Variants in SLC35F2 observed in about 807,000 individuals in gnomAD.
SLC35F2 encodes solute carrier family 35 member F2.
SLC35F2 carries 25 observed loss-of-function variants against 38.1 expected under a neutral mutation model. That is an observed-to-expected ratio of 0.66 (90% confidence interval 0.48 to 0.92). SLC35F2 has a LOEUF of 0.92. Among genes scored for constraint, SLC35F2 ranks in the 40% least tolerant of loss-of-function variants. SLC35F2 has a pLI of 0.00. For synonymous variants in SLC35F2, 173 were observed against 181.7 expected, an observed-to-expected ratio of 0.95 and a Z score of 0.38; for missense variants, 409 against 452.9, an observed-to-expected ratio of 0.90 and a Z score of 0.88.
chr11:107,836,438 T>A (rs757350178), intron 1 of SLC35F2, among the ~76,000 whole-genome samples: 2 of 152,212 alleles, frequency 1.3e-5, no homozygotes, highest in Non-Finnish European at 2.9e-5. Context: ...CCCTCACCCC[T>A]GAACCTGTGA....
chr11:107,797,480 G>T (rs1276384576), intron 7 of SLC35F2, among the ~76,000 whole-genome samples: 1 of 151,960 alleles, frequency 6.6e-6, no homozygotes, highest in Non-Finnish European at 1.5e-5. Context: ...TTGAGCCCAG[G>T]AGTTTGAGGC....
rs576168158 is a variant in SLC35F2, at chr11:107,839,817, C to G, written c.110+18841G>C. ...TACAGGCATGCGCCACCACGCCTGG[C>G]TAATTTTGTATTTTTAGTAGATATG... is the stretch of plus-strand genomic sequence containing the variant. On this transcript the variant is annotated intron_variant, in intron 1 of 7. Transcript: ENST00000525815. 3.9e-5 allele frequency among the ~76,000 whole-genome samples: 6 copies of G among 152,186 alleles called. No individual in the cohort carries two copies. In the East Asian group the frequency reaches 1.2e-3, roughly 29 times the overall value.
chr11:107,810,213 G>A, intron 3 of SLC35F2: 2 of 985,320 alleles, frequency 2.0e-6, no homozygotes, highest in Non-Finnish European at 2.4e-6. Flanking sequence ...TCTTTGCTAG[G>A]ACCGTAAGTG....
intron 6 of SLC35F2, among the ~76,000 whole-genome samples, chr11:107,803,692 T>A (rs1165173285): frequency 6.6e-6 from 1 of 152,110 alleles, no homozygotes; most frequent in Non-Finnish European, 1.5e-5. Context: ...TTATCCTTTT[T>A]AGGACAGTGC....
chr11:107,808,555 C>T (rs1008097113), intron 3 of SLC35F2, among the ~76,000 whole-genome samples: 20 of 152,156 alleles, frequency 1.3e-4, no homozygotes, highest in Non-Finnish European at 7.3e-5. Context: ...CCCTGATTCT[C>T]TCTGTATCTG....
intron 3 of SLC35F2, chr11:107,809,949 A>G (rs1276211056): frequency 2.0e-6 from 2 of 985,272 alleles, no homozygotes; most frequent in African/African-American, 3.5e-5. Context: ...TAAAGTGGGA[A>G]GGGACATGAG....
chr11:107,811,796 T>G lies in SLC35F2; in HGVS notation c.287-2A>C. On this transcript the variant is annotated splice_acceptor_variant, in intron 2 of 7. Transcript: ENST00000525815. LOFTEE classifies it high-confidence loss of function. ...AGATTACTAAAAGGTTATCACTGCC[T>G]GGTTGAAAGAAATATGGGTTAGTAC... 2 of 1,613,438 alleles carry G rather than the reference T, an allele frequency of 1.2e-6. No homozygotes were observed. Among genetic ancestry groups the G allele is most frequent in the Non-Finnish European group, 1.7e-6 (2 of 1,179,584 alleles).
At chr11:107,845,907 C>T (rs151249360) in intron 1 of SLC35F2, among the ~76,000 whole-genome samples, 3,109 of 150,100 alleles carry the variant, frequency 0.021, 90 homozygotes, top group African/African-American at 0.071. Context: ...GTGCCAAGAT[C>T]GCGCCGTTGC....
intron 1 of SLC35F2, chr11:107,816,262 G>A (rs969648792): frequency 5.1e-5 from 48 of 949,980 alleles, no homozygotes; most frequent in Non-Finnish European, 5.4e-5. Flanking sequence ...TTTGTAAAGT[G>A]CGCACGTGTG....
chr11:107,832,887 C>T (rs1219050040), intron 1 of SLC35F2, among the ~76,000 whole-genome samples: 3 of 152,160 alleles, frequency 2.0e-5, no homozygotes, highest in Admixed American at 1.3e-4. Context: ...GGCTTCCCCT[C>T]AACTCCTCAT....
intron 1 of SLC35F2, among the ~76,000 whole-genome samples, chr11:107,854,693 G>A (rs1195180353): frequency 6.6e-6 from 1 of 152,112 alleles, no homozygotes; most frequent in Admixed American, 6.5e-5. Flanking sequence ...TGTACCCTAT[G>A]GGGGCAGGTA....
chr11:107,813,088 A>C (rs1202694023), intron 2 of SLC35F2, among the ~76,000 whole-genome samples: 7 of 152,238 alleles, frequency 4.6e-5, no homozygotes. Flanking sequence ...CAAATAAATA[A>C]AAGTAGTGAG....
chr11:107,854,872 C>G (rs1180915104), intron 1 of SLC35F2, among the ~76,000 whole-genome samples: 1 of 152,162 alleles, frequency 6.6e-6, no homozygotes, highest in Non-Finnish European at 1.5e-5. Context: ...AAATCTCTCT[C>G]TGTATCTTGC....
At chr11:107,802,886 A>G in intron 7 of SLC35F2, 115 bp downstream of exon 7, 1 of 1,056,510 alleles carries the variant, frequency 9.5e-7, no homozygotes, top group Non-Finnish European at 1.3e-6. Flanking sequence ...GACCAATGAA[A>G]TTCTTGCCAA....
chr11:107,824,566 A>T (rs1859724762), intron 1 of SLC35F2, among the ~76,000 whole-genome samples: 1 of 152,228 alleles, frequency 6.6e-6, no homozygotes, highest in Non-Finnish European at 1.5e-5. Context: ...TCAAGAAAAG[A>T]TTATTCCTTC....
intron 1 of SLC35F2, chr11:107,821,483 T>A: frequency 1.0e-6 from 1 of 985,144 alleles, no homozygotes; most frequent in Non-Finnish European, 1.2e-6. Context: ...GGTAGGAAAT[T>A]GAGCAAAGGA....
chr11:107,807,809 A>G (rs558102834), intron 3 of SLC35F2, among the ~76,000 whole-genome samples: 1 of 152,282 alleles, frequency 6.6e-6, no homozygotes, highest in South Asian at 2.1e-4. Context: ...TCCTGATGTC[A>G]GGTGATCTGT....
intron 3 of SLC35F2, chr11:107,810,572 G>T (rs1049166139): frequency 6.1e-6 from 6 of 985,116 alleles, no homozygotes; most frequent in African/African-American, 5.2e-5. Flanking sequence ...CTAGGTAACT[G>T]CTGGGTTTAA....
intron 1 of SLC35F2, among the ~76,000 whole-genome samples, chr11:107,828,467 T>A (rs561241500): frequency 1.3e-5 from 2 of 151,558 alleles, no homozygotes; most frequent in East Asian, 3.9e-4. Flanking sequence ...ATACTAAAAA[T>A]TTTTTTTAAC....
Sources: allele counts gnomAD v4.1 joint callset (sites outside exome capture counted in the v4.1 genomes callset), GRCh38; gene constraint gnomAD v4.1.1; transcripts MANE v1.5; gene names NCBI Gene and HGNC (gene_info 2026-07-23, HGNC 2026-07-21).